The following NHSL2 variants were observed in gnomAD, a reference collection of about 807,000 sequenced individuals.
NHSL2 encodes NHS like 2, also known as NHS-like protein 2.
A neutral mutation model predicts 53.4 loss-of-function variants in NHSL2; 27 were observed. That is an observed-to-expected ratio of 0.51 (90% CI 0.37 to 0.70). The LOEUF (loss-of-function observed/expected upper bound fraction) is 0.70. NHSL2 is among the 30% of genes least tolerant of loss of function. The pLI is 0.00. For missense variants in NHSL2, 892 were observed against 980.1 expected, an observed-to-expected ratio of 0.91 and a Z score of 1.20; for synonymous variants, 408 against 404.1, an observed-to-expected ratio of 1.01 and a Z score of -0.12.
intron 1 of NHSL2, among the ~76,000 whole-genome samples, chrX:71,981,536 C>CAAA (rs140961615): frequency 0.014 from 907 of 66,513 alleles, 53 homozygotes; most frequent in African/African-American, 0.053. Context: ...GACTCTGTCT[C>CAAA]AAAAAAAAAA....
chrX:72,102,111 A>G (rs1184336226), intron 1 of NHSL2, among the ~76,000 whole-genome samples: 2 of 112,490 alleles, frequency 1.8e-5, no homozygotes, highest in East Asian at 5.6e-4. Flanking sequence ...ATTCTCTTGG[A>G]CGGATAAATG....
At chrX:72,063,663 T>C (rs1315150052) in intron 1 of NHSL2, among the ~76,000 whole-genome samples, 1 of 111,749 alleles carries the variant, frequency 8.9e-6, no homozygotes, top group Non-Finnish European at 1.9e-5. Flanking sequence ...TTACTTTTCA[T>C]GCACTCAATT....
At chrX:72,000,220 C>A (rs2042066819) in intron 1 of NHSL2, among the ~76,000 whole-genome samples, 1 of 111,708 alleles carries the variant, frequency 9.0e-6, no homozygotes, top group Admixed American at 9.5e-5. Context: ...CATTGCCCAG[C>A]ACCTTCTCTG....
intron 1 of NHSL2, chrX:72,130,710 G>A (rs1395550022): frequency 8.3e-7 from 1 of 1,212,029 alleles, no homozygotes; most frequent in Non-Finnish European, 1.1e-6. Flanking sequence ...ACAGGCCTTT[G>A]AGGAATTGGT....
intron 1 of NHSL2, among the ~76,000 whole-genome samples, chrX:72,063,204 C>T (rs2042408705): frequency 8.9e-6 from 1 of 111,802 alleles, no homozygotes; most frequent in South Asian, 3.7e-4. Flanking sequence ...AAAAACATTT[C>T]CCAAATCATA....
intron 1 of NHSL2, among the ~76,000 whole-genome samples, chrX:72,110,688 G>A (rs1307267760): frequency 1.0e-5 from 1 of 96,913 alleles, no homozygotes; most frequent in Non-Finnish European, 2.0e-5. Context: ...GACGCTGAAC[G>A]GCTTGTCCCC....
intron 1 of NHSL2, among the ~76,000 whole-genome samples, chrX:72,045,194 G>A (rs189586061): frequency 1.9e-3 from 208 of 112,000 alleles, no homozygotes; most frequent in Non-Finnish European, 3.3e-3. Context: ...GAGTCACAGG[G>A]GTGTGGGAAA....
intron 1 of NHSL2, among the ~76,000 whole-genome samples, chrX:72,099,389 G>A (rs1466166930): frequency 1.0e-4 from 9 of 86,932 alleles, no homozygotes; most frequent in African/African-American, 3.2e-4. Context: ...TTTTTGAGAC[G>A]GAGTCTCACT....
intron 1 of NHSL2, among the ~76,000 whole-genome samples, chrX:72,111,986 A>G (rs1437324872): frequency 9.0e-6 from 1 of 110,786 alleles, no homozygotes; most frequent in Admixed American, 9.7e-5. Context: ...GACTAGGATC[A>G]GGACACCATA....
intron 1 of NHSL2, among the ~76,000 whole-genome samples, chrX:72,078,173 A>C (rs1285913370): frequency 8.9e-6 from 1 of 112,836 alleles, no homozygotes; most frequent in Non-Finnish European, 1.9e-5. Flanking sequence ...ATTTGAGCCC[A>C]GGCAGTAGGG....
intron 1 of NHSL2, among the ~76,000 whole-genome samples, chrX:72,035,082 G>T (rs572599249): frequency 2.1e-4 from 24 of 111,766 alleles, no homozygotes; most frequent in African/African-American, 7.4e-4. Flanking sequence ...CACAAATTTT[G>T]ATATTTGTAT....
chrX:72,090,818 G>A (rs1316565660), intron 1 of NHSL2, among the ~76,000 whole-genome samples: 1 of 107,413 alleles, frequency 9.3e-6, no homozygotes, highest in African/African-American at 3.6e-5. Flanking sequence ...TATGGAGAGG[G>A]GGTGGGGAAG....
At chrX:72,121,855 C>A (rs770253854) in intron 1 of NHSL2, among the ~76,000 whole-genome samples, 4 of 111,845 alleles carry the variant, frequency 3.6e-5, no homozygotes, top group Non-Finnish European at 5.6e-5. Context: ...ATGTAAGTGA[C>A]AAACCACAGT....
At chrX:72,017,577 G>C (rs1232116312) in intron 1 of NHSL2, among the ~76,000 whole-genome samples, 1 of 112,561 alleles carries the variant, frequency 8.9e-6, no homozygotes, top group African/African-American at 3.2e-5. Flanking sequence ...GGGTTCTGTG[G>C]TATGTGCAGA....
At chrX:71,944,512 T>A (rs955483977) in intron 1 of NHSL2, among the ~76,000 whole-genome samples, 3 of 111,800 alleles carry the variant, frequency 2.7e-5, no homozygotes, top group Non-Finnish European at 5.6e-5. Context: ...CATTGGAAGG[T>A]CAAGCTGGTC....
At chrX:71,934,118 TCTC>T (rs1381241230) in intron 1 of NHSL2, among the ~76,000 whole-genome samples, 2 of 111,410 alleles carry the variant, frequency 1.8e-5, no homozygotes, top group South Asian at 3.8e-4. Context: ...GTATTCCAGT[TCTC>T]CTCCAGGACC....
rs1296215747 is a variant in NHSL2 at position 71,911,107 on chromosome X, C to A, written c.20C>A (p.Thr7Lys). 2.0e-5 allele frequency: 21 copies of A among 1,051,889 alleles called. No individual in the cohort carries two copies. The highest frequency in any genetic ancestry group is 2.3e-5 in the Non-Finnish European group (19 of 819,399). 86.7% of individuals were successfully genotyped at this position (1,051,889 alleles called of 1,213,427 possible). The stretch of plus-strand genomic sequence containing the variant: ...GCCGGGATGCCGTTCTACAGGCGCA[C>A]GGTGGTACCCCAGCGCCTGTGCCCG... MPFYRRTVVPQRLCPRN... is the reference protein window; with the variant it reads MPFYRRKVVPQRLCPRN... The change falls in exon 1 of 8, where the codon ACG becomes AAG. Residue 7 changes from threonine to lysine, a missense_variant. Physicochemically the swap from Thr to Lys is moderately conservative, Grantham distance 78 (BLOSUM62 -1). Coordinates refer to ENST00000633930, the MANE Select transcript of NHSL2 (RefSeq NM_001013627.3).
intron 1 of NHSL2, among the ~76,000 whole-genome samples, chrX:71,949,632 C>T (rs1031537073): frequency 8.9e-6 from 1 of 111,890 alleles, no homozygotes; most frequent in Non-Finnish European, 1.9e-5. Flanking sequence ...GGGTGCCTTG[C>T]GGTCCGTCCA....
intron 1 of NHSL2, among the ~76,000 whole-genome samples, chrX:72,117,444 T>C (rs1260600006): frequency 9.2e-6 from 1 of 108,330 alleles, no homozygotes; most frequent in East Asian, 2.9e-4. Context: ...ACATAAAACA[T>C]GTGCAAACCA....
Sources: allele counts gnomAD v4.1 joint callset (sites outside exome capture counted in the v4.1 genomes callset), GRCh38; gene constraint gnomAD v4.1.1; transcripts MANE v1.5; gene names NCBI Gene and HGNC (gene_info 2026-07-23, HGNC 2026-07-21).